Variants in KIFAP3 observed in about 807,000 individuals in gnomAD.
The protein encoded by KIFAP3 is kinesin associated protein 3, also known as kinesin-associated protein 3.
In KIFAP3, 68 loss-of-function variants were observed where a neutral mutation model predicts 106.5. The ratio of observed to expected loss-of-function variants is 0.64; its 90% CI spans 0.53 to 0.78. The LOEUF (loss-of-function observed/expected upper bound fraction) is 0.78, where lower values mean the gene tolerates loss of function less well. Among genes scored for constraint, KIFAP3 ranks in the 30% least tolerant of loss-of-function variants. KIFAP3 has a pLI of 0.00. For synonymous variants in KIFAP3, 320 were observed against 311.5 expected, an observed-to-expected ratio of 1.03 and a Z score of -0.29; for missense variants, 780 against 941.8, an observed-to-expected ratio of 0.83 and a Z score of 2.25.
chr1:170,003,221 G>A (rs1667754754), intron 10 of KIFAP3, among the ~76,000 whole-genome samples: 1 of 151,974 alleles, frequency 6.6e-6, no homozygotes, highest in Non-Finnish European at 1.5e-5. Flanking sequence ...TCAATTTTTG[G>A]ACTTACTCAT....
At chr1:169,959,775 A>G (rs1249097381) in intron 18 of KIFAP3, among the ~76,000 whole-genome samples, 2 of 152,086 alleles carry the variant, frequency 1.3e-5, no homozygotes, top group African/African-American at 4.8e-5. Flanking sequence ...GATTTCTATT[A>G]AAAAAATTCA....
intron 10 of KIFAP3, among the ~76,000 whole-genome samples, chr1:169,993,207 A>T (rs1667187576): frequency 6.6e-6 from 1 of 150,908 alleles, no homozygotes; most frequent in Non-Finnish European, 1.5e-5. Flanking sequence ...TCCCAGGTTC[A>T]AGGGATTCTC....
In KIFAP3 at chr1:170,038,366, A is replaced by C. The variant is rs1669792302; in HGVS notation, c.441T>G (p.Pro147=). 1 of 1,608,586 alleles carries C rather than the reference A, an allele frequency of 6.2e-7. No individual in the cohort carries two copies. Among genetic ancestry groups the C allele is most frequent in the African/African-American group, 1.3e-5 (1 of 74,626 alleles). ...TCAAAGCAGAACCCCGAACTTTGTCAGGAATATCTTCATATAATAACTCAA... is the reference window on the plus strand; with the variant it reads ...TCAAAGCAGAACCCCGAACTTTGTCCGGAATATCTTCATATAATAACTCAA... ...EYIELLYEDI[P]DKVRGSALIL... Residue 147 remains proline, a synonymous_variant, in exon 5 of 20, where the codon CCT becomes CCG. Coordinates refer to ENST00000361580, the MANE Select transcript of KIFAP3 (RefSeq NM_014970.4).
At chr1:170,014,989 G>A (rs1437997907) in intron 10 of KIFAP3, among the ~76,000 whole-genome samples, 2 of 152,110 alleles carry the variant, frequency 1.3e-5, no homozygotes, top group African/African-American at 4.8e-5. Flanking sequence ...CACATGGTTA[G>A]ATGTAAACAG....
At chr1:169,928,651 C>T (rs539974292) in intron 19 of KIFAP3, among the ~76,000 whole-genome samples, 2 of 124,544 alleles carry the variant, frequency 1.6e-5, no homozygotes, top group African/African-American at 6.1e-5. Flanking sequence ...GAGCCATGAC[C>T]GCCACTGCAC....
At chr1:170,082,423 G>A (rs1385094681) in intron 1 of KIFAP3, among the ~76,000 whole-genome samples, 3 of 152,214 alleles carry the variant, frequency 2.0e-5, no homozygotes. Flanking sequence ...TTGTGCTAGT[G>A]ATAGAGGGTG....
chr1:170,010,026 GT>G (rs1282591805), intron 10 of KIFAP3, among the ~76,000 whole-genome samples: 2 of 152,028 alleles, frequency 1.3e-5, no homozygotes, highest in Non-Finnish European at 2.9e-5. Context: ...CTCCCAGATG[GT>G]AGCATTAAGT....
chr1:169,938,194 T>C, intron 19 of KIFAP3, among the ~76,000 whole-genome samples: 1 of 151,936 alleles, frequency 6.6e-6, no homozygotes, highest in East Asian at 1.9e-4. Context: ...TCTCAGTATA[T>C]TTAATTAGAC....
chr1:170,018,792 T>C (rs1277241810), intron 9 of KIFAP3, among the ~76,000 whole-genome samples: 1 of 152,088 alleles, frequency 6.6e-6, no homozygotes, highest in African/African-American at 2.4e-5. Flanking sequence ...TAAACACAAA[T>C]TGTTTTAAAT....
intron 18 of KIFAP3, among the ~76,000 whole-genome samples, chr1:169,955,888 A>G (rs968159246): frequency 6.6e-6 from 1 of 152,168 alleles, no homozygotes; most frequent in South Asian, 2.1e-4. Flanking sequence ...GTTACAAAAA[A>G]ATGAAATCAT....
At chr1:170,051,237 A>T (rs1478610536) in intron 2 of KIFAP3, among the ~76,000 whole-genome samples, 4 of 152,300 alleles carry the variant, frequency 2.6e-5, no homozygotes, top group South Asian at 4.1e-4. Context: ...CAAAAAAGAC[A>T]AAGAAGGGCA....
chr1:169,983,428 T>A, intron 12 of KIFAP3, 46 bp from the exon 13 acceptor site: 1 of 1,338,450 alleles, frequency 7.5e-7, no homozygotes, highest in Non-Finnish European at 1.1e-6. Flanking sequence ...AGCTTAAGTT[T>A]AATAATTTTT....
chr1:170,018,224 G>C (rs1485236503), intron 9 of KIFAP3, among the ~76,000 whole-genome samples: 1 of 152,084 alleles, frequency 6.6e-6, no homozygotes, highest in Non-Finnish European at 1.5e-5. Flanking sequence ...AGCTGTCAAT[G>C]GCTGCTTTCA....
At chr1:169,973,587 T>G (rs1200821879) in intron 16 of KIFAP3, among the ~76,000 whole-genome samples, 1 of 150,632 alleles carries the variant, frequency 6.6e-6, no homozygotes, top group Admixed American at 6.6e-5. Context: ...CCAAGTTACT[T>G]ATAAGGAAAA....
In KIFAP3 at chr1:169,961,156, T is replaced by A; in HGVS notation, c.2063A>T (p.Glu688Val). 5 of 1,613,752 alleles carry A rather than the reference T, an allele frequency of 3.1e-6. No individual in the cohort carries two copies. Among genetic ancestry groups the A allele is most frequent in the Non-Finnish European group, 4.2e-6 (5 of 1,179,750 alleles). Residue 688 changes from glutamate to valine, a missense_variant, in exon 18 of 20, where the codon GAG (glutamate) becomes GTG (valine). Glu to Val is a moderately radical substitution (Grantham distance 121, BLOSUM62 -2). Coordinates refer to ENST00000361580, the MANE Select transcript of KIFAP3 (RefSeq NM_014970.4). ...CTCACTCTCATCCATCTGACGACTCTCTACCATCTCCAGCCACTGAGAGTT... is the reference window on the plus strand; with the variant it reads ...CTCACTCTCATCCATCTGACGACTCACTACCATCTCCAGCCACTGAGAGTT... ...WHNSQWLEMV[E>V]SRQMDESEQY...
At chr1:170,014,656 T>A (rs1376452737) in intron 10 of KIFAP3, among the ~76,000 whole-genome samples, 1 of 152,128 alleles carries the variant, frequency 6.6e-6, no homozygotes, top group Non-Finnish European at 1.5e-5. Flanking sequence ...AACATTTTAC[T>A]GAAATAAATT....
At chr1:169,951,303 A>C (rs1452033630) in intron 19 of KIFAP3, among the ~76,000 whole-genome samples, 1 of 151,962 alleles carries the variant, frequency 6.6e-6, no homozygotes, top group Non-Finnish European at 1.5e-5. Flanking sequence ...TTTCTCAGGG[A>C]AAGTTCTTTC....
intron 9 of KIFAP3, among the ~76,000 whole-genome samples, chr1:170,018,077 G>A (rs1266906811): frequency 1.3e-5 from 2 of 152,164 alleles, no homozygotes; most frequent in African/African-American, 4.8e-5. Context: ...AATGGCTTTT[G>A]ACTTTTACAA....
chr1:169,933,482 A>C (rs2101790912), intron 19 of KIFAP3, among the ~76,000 whole-genome samples: 1 of 152,138 alleles, frequency 6.6e-6, no homozygotes, highest in Non-Finnish European at 1.5e-5. Flanking sequence ...GTATAAGACT[A>C]TAGATTATAA....
Sources: gnomAD v4.1 joint callset for allele counts (sites outside exome capture counted in the v4.1 genomes callset) on GRCh38, gnomAD v4.1.1 for gene constraint, MANE v1.5 for transcripts, NCBI Gene and HGNC (gene_info 2026-07-23, HGNC 2026-07-21) for gene names.